COL4A4: variants seen among roughly 807,000 people sequenced by gnomAD.
COL4A4 encodes the protein collagen type IV alpha 4 chain.
In COL4A4, 105 loss-of-function variants were observed where a neutral mutation model predicts 192.9. The ratio of observed to expected loss-of-function variants is 0.54; its 90% CI spans 0.46 to 0.64. The LOEUF (loss-of-function observed/expected upper bound fraction) is 0.64. Ranked by LOEUF, COL4A4 falls within the 30% of genes least tolerant of loss-of-function variation. The pLI is 0.00. For missense variants in COL4A4, 1,967 were observed against 2,169.3 expected (o/e 0.91, Z 1.85); for synonymous variants, 762 against 769.9 (o/e 0.99, Z 0.17).
rs151023067 is a variant in COL4A4 at position 227,114,985 on chromosome 2, C to G, written c.490-289G>C. 6.2e-3 allele frequency among the ~76,000 whole-genome samples: 938 copies of G among 152,142 alleles called. 12 individuals carry two copies. The highest frequency in any genetic ancestry group is 0.022 in the African/African-American group (894 of 41,508). On this transcript the variant is annotated intron_variant, in intron 7 of 47. Coordinates refer to ENST00000396625, the MANE Select transcript of COL4A4 (RefSeq NM_000092.5). ...ATTTCCTTACAATATAAAACACATG[C>G]ATTGTTCCTACAAATAACTAATTTT... is the stretch of plus-strand genomic sequence containing the variant.
At chr2:227,014,210 C>T (rs572519218) in intron 44 of COL4A4, among the ~76,000 whole-genome samples, 14 of 152,310 alleles carry the variant, frequency 9.2e-5, no homozygotes, top group African/African-American at 2.9e-4. Flanking sequence ...TGCAATGACA[C>T]GGTCCTACTG....
At chr2:227,028,337 CCGGGAACAA>C (rs1967457831) in intron 41 of COL4A4, among the ~76,000 whole-genome samples, 2 of 152,176 alleles carry the variant, frequency 1.3e-5, no homozygotes, top group African/African-American at 4.8e-5. Flanking sequence ...CTTTCAATAT[CCGGGAACAA>C]CGTGCCTCCC....
chr2:227,063,253 G>A (rs893691067), intron 25 of COL4A4, among the ~76,000 whole-genome samples: 1 of 152,112 alleles, frequency 6.6e-6, no homozygotes, highest in Non-Finnish European at 1.5e-5. Flanking sequence ...TAGAGAGATA[G>A]ATATCACCAA....
downstream of COL4A4, among the ~76,000 whole-genome samples, chr2:226,999,914 C>G (rs553437351): frequency 2.1e-4 from 32 of 152,198 alleles, no homozygotes; most frequent in Non-Finnish European, 4.4e-4. Flanking sequence ...ATTACTGTGT[C>G]TTTCTCTCAC....
chr2:227,013,801 C>T (rs910683319), intron 44 of COL4A4, among the ~76,000 whole-genome samples: 4 of 152,202 alleles, frequency 2.6e-5, no homozygotes, highest in African/African-American at 9.7e-5. Flanking sequence ...CCTTCACCCT[C>T]CAGTGACTGG....
the COL4A4 span, among the ~76,000 whole-genome samples, chr2:226,970,660 C>T: frequency 1.3e-5 from 2 of 152,210 alleles, no homozygotes; most frequent in Non-Finnish European, 1.5e-5. Flanking sequence ...AAGGAGTTAA[C>T]AATTTTACTT....
At chr2:227,077,654 A>C (rs1199642364) in intron 25 of COL4A4, among the ~76,000 whole-genome samples, 1 of 151,500 alleles carries the variant, frequency 6.6e-6, no homozygotes, top group African/African-American at 2.4e-5. Flanking sequence ...CCAGAACTTA[A>C]AGTAAAATTA....
intron 25 of COL4A4, among the ~76,000 whole-genome samples, chr2:227,065,415 C>T (rs1412229732): frequency 6.6e-6 from 1 of 152,254 alleles, no homozygotes; most frequent in East Asian, 1.9e-4. Flanking sequence ...TAGGCTCCAC[C>T]TCTGGGGGCA....
chr2:227,120,803 G>GTCC (rs1368549710), intron 5 of COL4A4: 5 of 574,390 alleles, frequency 8.7e-6, no homozygotes, highest in Non-Finnish European at 1.5e-5. Flanking sequence ...GCTGGACATG[G>GTCC]TGGTATGTGC....
At position 227,014,265 on chromosome 2, in the gene COL4A4, C is replaced by T. The variant is rs79114229; in HGVS notation, c.4217-1968G>A. On this transcript the variant is annotated intron_variant, in intron 44 of 47. Transcript: ENST00000396625. ...AATGACATTCTGGAACACTGGCTCA[C>T]ACTTTGGTAGAAATCAGCATCTGCC... Among the ~76,000 whole-genome samples the T allele has an allele frequency of 9.5e-4, 144 of 152,328 alleles. 1 individual carries two copies. The highest frequency in any genetic ancestry group is 3.3e-3 in the African/African-American group (136 of 41,570).
At chr2:227,097,067 A>T (rs531019084) in intron 19 of COL4A4, among the ~76,000 whole-genome samples, 1 of 152,328 alleles carries the variant, frequency 6.6e-6, no homozygotes, top group South Asian at 2.1e-4. Context: ...TTTGGCTGCC[A>T]TCTTGTCTTC....
At chr2:227,032,689 A>G (rs1175794514) in intron 38 of COL4A4, among the ~76,000 whole-genome samples, 1 of 152,234 alleles carries the variant, frequency 6.6e-6, no homozygotes, top group Non-Finnish European at 1.5e-5. Context: ...TGGAAGGCAC[A>G]CACATTTAAT....
At chr2:227,045,992 G>T (rs151129151) in intron 35 of COL4A4, among the ~76,000 whole-genome samples, 5,181 of 41,458 alleles carry the variant, frequency 0.12, 1,078 homozygotes, top group South Asian at 0.23. Flanking sequence ...TATATATTTA[G>T]ATATTTAGAT....
In COL4A4 at chr2:227,007,533, C is replaced by T; in HGVS notation, c.4865G>A (p.Cys1622Tyr). The T allele has an allele frequency of 6.2e-7, 1 of 1,613,578 alleles. No individual in the cohort carries two copies. Among genetic ancestry groups the T allele is most frequent in the Non-Finnish European group, 8.5e-7 (1 of 1,180,028 alleles). The change falls in exon 48 of 48, where the codon TGC becomes TAC. Residue 1622 changes from cysteine (C) to tyrosine (Y), a missense_variant. Cys to Tyr is a radical substitution (Grantham distance 194). Coordinates refer to ENST00000396625, the MANE Select transcript of COL4A4 (RefSeq NM_000092.5). The part of the protein sequence containing the change: ...GGQALMSPGS[C>Y]LEDFRAAPFL... ...TGGTGCTGCTCTGAAATCTTCCAGG[C>T]AGCTGCCAGGTGACATAAGGGCCTG...
chr2:227,055,522 A>T (rs1448073078), intron 30 of COL4A4, among the ~76,000 whole-genome samples: 1 of 151,964 alleles, frequency 6.6e-6, no homozygotes, highest in African/African-American at 2.4e-5. Context: ...AATAAAATAA[A>T]AAAATAAAAT....
rs1347766714 is a variant in COL4A4 at position 227,045,833 on chromosome 2, C to T, written c.3289+1642G>A. ...ATATATATACACATATATATATATACACACATATATATATACACATATATA... is the reference window on the plus strand; with the variant it reads ...ATATATATACACATATATATATATATACACATATATATATACACATATATA... On this transcript the variant is annotated intron_variant, in intron 35 of 47. Transcript: ENST00000396625. Among the ~76,000 whole-genome samples, 151 of 33,586 alleles carry T rather than the reference C, an allele frequency of 4.5e-3. 44 individuals are homozygous for T. Among genetic ancestry groups the T allele is most frequent in the African/African-American group, 0.017 (103 of 5,904 alleles). 22.0% of individuals were successfully genotyped at this position (33,586 alleles called of 152,430 possible). A position where few individuals can be genotyped will look rare whatever the true frequency, so the allele number is the denominator to read the frequency against.
At chr2:227,120,564 A>G (rs142866009) in intron 5 of COL4A4, among the ~76,000 whole-genome samples, 1,700 of 152,264 alleles carry the variant, frequency 0.011, 36 homozygotes, top group African/African-American at 0.039. Flanking sequence ...AAGGGGCCAA[A>G]AATGAGGATG....
intron 25 of COL4A4, among the ~76,000 whole-genome samples, chr2:227,066,749 C>A (rs1193675168): frequency 6.6e-6 from 1 of 151,596 alleles, no homozygotes; most frequent in African/African-American, 2.4e-5. Flanking sequence ...CCGGTACCAG[C>A]TGCTGCAAAA....
At chr2:227,074,521 C>T (rs931299452) in intron 25 of COL4A4, among the ~76,000 whole-genome samples, 3 of 152,042 alleles carry the variant, frequency 2.0e-5, no homozygotes, top group African/African-American at 7.2e-5. Context: ...AAAGTAGATC[C>T]ACCATGCGAC....
Sources: allele counts gnomAD v4.1 joint callset (sites outside exome capture counted in the v4.1 genomes callset), GRCh38; gene constraint gnomAD v4.1.1; transcripts MANE v1.5; gene names NCBI Gene and HGNC (gene_info 2026-07-23, HGNC 2026-07-21).